P2RY14: variants seen among roughly 807,000 people sequenced by gnomAD.
P2RY14 encodes purinergic receptor P2Y14.
In P2RY14, 2 loss-of-function variants were observed where a neutral mutation model predicts 0.9. That is an observed-to-expected ratio of 2.16 (90% CI 0.88 to 6.79). The LOEUF (loss-of-function observed/expected upper bound fraction) is 6.79. P2RY14 is among the 30% of genes most tolerant of loss of function. The pLI, the probability that P2RY14 is intolerant of heterozygous loss-of-function variation, is 0.05. For missense variants in P2RY14, 378 were observed against 400.1 expected (o/e 0.94, Z 0.47); for synonymous variants, 158 against 147.2 (o/e 1.07, Z -0.53).
intron 2 of P2RY14, among the ~76,000 whole-genome samples, chr3:151,215,540 C>T (rs1311185602): frequency 1.3e-5 from 2 of 152,150 alleles, no homozygotes; most frequent in Non-Finnish European, 2.9e-5. Flanking sequence ...GGTTTTATTG[C>T]ACAGTGCTGT....
chr3:151,267,660 A>C (rs947454341), intron 1 of P2RY14, among the ~76,000 whole-genome samples: 1 of 152,158 alleles, frequency 6.6e-6, no homozygotes, highest in Non-Finnish European at 1.5e-5. Flanking sequence ...CTTGAGAGTA[A>C]TATCTTGTAA....
chr3:151,257,433 C>T (rs891342790), intron 1 of P2RY14, among the ~76,000 whole-genome samples: 5 of 152,134 alleles, frequency 3.3e-5, no homozygotes, highest in Non-Finnish European at 5.9e-5. Context: ...GTTAGAATAC[C>T]GGCTGAGTTA....
chr3:151,275,480 C>A (rs562846388), intron 1 of P2RY14, among the ~76,000 whole-genome samples: 10 of 151,962 alleles, frequency 6.6e-5, no homozygotes, highest in African/African-American at 2.2e-4. Context: ...TAATTTATAC[C>A]GAGTAAAGAC....
intron 1 of P2RY14, among the ~76,000 whole-genome samples, chr3:151,235,461 T>G (rs1173642377): frequency 1.3e-5 from 2 of 152,070 alleles, no homozygotes; most frequent in Admixed American, 1.3e-4. Context: ...ATCTCAACAC[T>G]TTGGGAGGCT....
intron 1 of P2RY14, among the ~76,000 whole-genome samples, chr3:151,240,528 A>C (rs765192475): frequency 2.0e-5 from 3 of 152,254 alleles, no homozygotes; most frequent in Non-Finnish European, 2.9e-5. Flanking sequence ...GTGGGACAGA[A>C]GAGGGTCACA....
At chr3:151,218,208 C>G (rs1346286620) in intron 2 of P2RY14, among the ~76,000 whole-genome samples, 1 of 152,124 alleles carries the variant, frequency 6.6e-6, no homozygotes, top group Admixed American at 6.5e-5. Flanking sequence ...AGAAAAGAAG[C>G]TTTTAGTGTG....
At chr3:151,242,760 GA>G (rs1222757991) in intron 1 of P2RY14, among the ~76,000 whole-genome samples, 1 of 152,202 alleles carries the variant, frequency 6.6e-6, no homozygotes. Context: ...AACAAAGCTG[GA>G]TGGAGAATGA....
chr3:151,240,438 C>G (rs984373646), intron 1 of P2RY14, among the ~76,000 whole-genome samples: 2 of 152,184 alleles, frequency 1.3e-5, no homozygotes, highest in East Asian at 3.8e-4. Context: ...ATAGCTGCTG[C>G]GTGCCAGGTA....
chr3:151,247,382 G>A (rs1735794423), intron 1 of P2RY14, among the ~76,000 whole-genome samples: 2 of 152,070 alleles, frequency 1.3e-5, no homozygotes, highest in South Asian at 4.1e-4. Flanking sequence ...AACAATGATA[G>A]ACTGGATTAA....
intron 1 of P2RY14, chr3:151,270,152 C>T (rs1364421605): frequency 1.9e-5 from 4 of 212,202 alleles, no homozygotes; most frequent in African/African-American, 9.9e-5. Context: ...CTGATAGGTT[C>T]CAACCTTTTT....
rs79605699 is a variant in P2RY14 at position 151,226,360 on chromosome 3, A to G, written c.-132-6718T>C. On this transcript the variant is annotated intron_variant, in intron 1 of 2. Transcript: ENST00000309170. ...TGGATGGCCTAAGCTCTTGGGTAAC[A>G]TGATGGAATCTTGCCAATGAGTAAA... Among the ~76,000 whole-genome samples the G allele has an allele frequency of 2.2e-4, 34 of 152,340 alleles. No individual in the cohort carries two copies. The East Asian group carries it at 6.6e-3, about 29-fold the overall frequency.
rs150088258 is a variant in P2RY14, at chr3:151,222,732, G to A, written c.-132-3090C>T. On this transcript the variant is annotated intron_variant, in intron 1 of 2. Transcript: ENST00000309170. ...AAAATGGACTAATAAAGCATGATAT[G>A]CTGCTGGTCCATGTACCACTCTTTG... Among the ~76,000 whole-genome samples the A allele has an allele frequency of 7.9e-3, 1,199 of 152,274 alleles. 1 individual carries two copies. The highest frequency in any genetic ancestry group is 0.012 in the South Asian group (60 of 4,818).
chr3:151,231,348 C>T (rs1731629111), intron 1 of P2RY14, among the ~76,000 whole-genome samples: 1 of 152,146 alleles, frequency 6.6e-6, no homozygotes, highest in African/African-American at 2.4e-5. Flanking sequence ...AGTCTGAAAA[C>T]ATACTCCCCC....
Position 151,263,371 on chromosome 3 carries a change from G to C in P2RY14, c.-133+14916C>G, listed in dbSNP as rs149594261. ...AACATTGCATTATTACAAACATGTG[G>C]AACCAGAAGGAAATGTACAAATGTG... On this transcript the variant is annotated intron_variant, in intron 1 of 2. Transcript: ENST00000309170. 7.8e-4 allele frequency among the ~76,000 whole-genome samples: 119 copies of C among 152,298 alleles called. 1 individual carries two copies. The Middle Eastern group carries it at 0.014, about 17-fold the overall frequency.
At chr3:151,245,875 C>T (rs1735333905) in intron 1 of P2RY14, among the ~76,000 whole-genome samples, 3 of 151,622 alleles carry the variant, frequency 2.0e-5, no homozygotes, top group East Asian at 1.9e-4. Flanking sequence ...AAAACCCCAT[C>T]GTTTCAGCCC....
rs558538528 is a variant in P2RY14 at position 151,215,380 on chromosome 3, A to G, written c.-24-1040T>C. Among the ~76,000 whole-genome samples, 12 of 152,316 alleles carry G rather than the reference A, an allele frequency of 7.9e-5. No homozygotes were observed. In the East Asian group the frequency reaches 1.3e-3, roughly 17 times the overall value. ...GGAATGAAAAAATGTAAAATATCTC[A>G]GTATTTTTAATACTGATCACATGTT... is the stretch of plus-strand genomic sequence containing the variant. On this transcript the variant is annotated intron_variant, in intron 2 of 2. Transcript: ENST00000309170.
intron 1 of P2RY14, among the ~76,000 whole-genome samples, chr3:151,244,865 C>A (rs1352108610): frequency 2.0e-5 from 3 of 152,162 alleles, no homozygotes; most frequent in Non-Finnish European, 2.9e-5. Flanking sequence ...AATTGATAGA[C>A]CGCTAGCAAG....
chr3:151,246,505 A>G (rs1299181751), intron 1 of P2RY14, among the ~76,000 whole-genome samples: 1 of 152,198 alleles, frequency 6.6e-6, no homozygotes, highest in Non-Finnish European at 1.5e-5. Context: ...AACCTGAGAA[A>G]AACAAGCAAT....
chr3:151,265,371 G>T (rs954189360), intron 1 of P2RY14, among the ~76,000 whole-genome samples: 1 of 152,176 alleles, frequency 6.6e-6, no homozygotes, highest in African/African-American at 2.4e-5. Flanking sequence ...GAATTTCTGA[G>T]AATTTTTTAA....
Sources: gnomAD v4.1 joint callset for allele counts (sites outside exome capture counted in the v4.1 genomes callset) on GRCh38, gnomAD v4.1.1 for gene constraint, MANE v1.5 for transcripts, NCBI Gene and HGNC (gene_info 2026-07-23, HGNC 2026-07-21) for gene names.